ZNF18: variants seen among roughly 807,000 people sequenced by gnomAD.
ZNF18 encodes zinc finger protein 18.
ZNF18 carries 42 observed loss-of-function variants against 58.1 expected under a neutral mutation model. That is an observed-to-expected ratio of 0.72 (90% CI 0.56 to 0.93). The LOEUF (loss-of-function observed/expected upper bound fraction) is 0.93, where lower values mean the gene tolerates loss of function less well. ZNF18 is among the 40% of genes least tolerant of loss of function. The probability of loss-of-function intolerance (pLI) is 0.00; values close to 1 mark genes in which losing one functional copy is unlikely to be tolerated. For synonymous variants in ZNF18, 231 were observed against 239.8 expected (o/e 0.96, Z 0.34); for missense variants, 540 against 644.2 (o/e 0.84, Z 1.75).
chr17:12,020,946 C>T, the ZNF18 span: 1 of 1,217,642 alleles, frequency 8.2e-7, no homozygotes, highest in Non-Finnish European at 1.0e-6. Flanking sequence ...GCAGCGGCAC[C>T]CCCGGCCCCG....
chr17:11,995,243 T>C (rs1237723107), intron 1 of ZNF18, among the ~76,000 whole-genome samples: 1 of 140,366 alleles, frequency 7.1e-6, no homozygotes, highest in East Asian at 2.2e-4. Flanking sequence ...ACCCCATCTC[T>C]ACTAAAAATA....
chr17:12,000,584 T>G (rs545597330), upstream of ZNF18, among the ~76,000 whole-genome samples: 9 of 152,270 alleles, frequency 5.9e-5, no homozygotes, highest in Admixed American at 5.9e-4. Flanking sequence ...GGTGCACGCC[T>G]GTAATATACA....
chr17:11,999,462 G>C (rs1037329511), upstream of ZNF18, among the ~76,000 whole-genome samples: 1 of 152,130 alleles, frequency 6.6e-6, no homozygotes, highest in African/African-American at 2.4e-5. Flanking sequence ...GGCACCTTAG[G>C]AAAAGGCATA....
intron 4 of ZNF18, among the ~76,000 whole-genome samples, chr17:11,988,831 C>T (rs937002496): frequency 5.3e-5 from 8 of 150,692 alleles, no homozygotes; most frequent in African/African-American, 1.0e-4. Context: ...TTACCAGGCA[C>T]GGGCAACATA....
the ZNF18 span, chr17:12,020,997 G>A: frequency 8.3e-7 from 1 of 1,210,048 alleles, no homozygotes; most frequent in Non-Finnish European, 1.0e-6. Flanking sequence ...TCAGCAGCAT[G>A]CAGGGTAAGG....
At chr17:12,019,136 G>A in the ZNF18 span, among the ~76,000 whole-genome samples, 1 of 151,560 alleles carries the variant, frequency 6.6e-6, no homozygotes, top group Non-Finnish European at 1.5e-5. Flanking sequence ...GTTTTTTTCT[G>A]TATTTTTAGT....
intron 4 of ZNF18, among the ~76,000 whole-genome samples, 156 bp downstream of exon 4, chr17:11,990,306 A>AT: frequency 6.6e-6 from 1 of 152,364 alleles, no homozygotes; most frequent in South Asian, 2.1e-4. Flanking sequence ...GCATGATTCT[A>AT]TTTTTACAAA....
At chr17:11,979,223 T>C (rs562638379) in intron 6 of ZNF18, among the ~76,000 whole-genome samples, 1 of 152,304 alleles carries the variant, frequency 6.6e-6, no homozygotes, top group African/African-American at 2.4e-5. Flanking sequence ...GAGCATACAT[T>C]TCCTTTCAGT....
intron 6 of ZNF18, among the ~76,000 whole-genome samples, chr17:11,982,815 AATT>A (rs1414071068): frequency 6.6e-6 from 1 of 152,160 alleles, no homozygotes; most frequent in Non-Finnish European, 1.5e-5. Context: ...GTCTTAAATA[AATT>A]ATTTATACGA....
intron 6 of ZNF18, 106 bp from the exon 7 acceptor site, chr17:11,978,850 T>TTTC: frequency 1.3e-6 from 1 of 743,010 alleles, no homozygotes. Context: ...CTTTTTTTTT[T>TTTC]TTTTTTTTTT....
rs1473610973 is a variant in ZNF18 at position 11,978,430 on chromosome 17, TCTCTCTCTTCTCCTC to T, written c.1162_1176del (p.Glu388_Glu392del). On this transcript the variant is annotated inframe_deletion, in exon 7 of 7. Transcript: ENST00000580306. ...GCTCTTGGCTGCCCCTTCTGGGAGG[TCTCTCTCTTCTCCTC>T]AAGCCACATGGTGGACATTTCTCCT... 3 of 1,550,050 alleles carry T rather than the reference TCTCTCTCTTCTCCTC, an allele frequency of 1.9e-6. No homozygotes were observed. In the African/African-American group the frequency reaches 4.1e-5, roughly 21 times the overall value.
chr17:12,020,700 G>T, the ZNF18 span: 862 of 359,688 alleles, frequency 2.4e-3, 5 homozygotes, highest in African/African-American at 8.3e-3. Context: ...AGAGCCGGGC[G>T]GTTCTGCAGC....
intron 2 of ZNF18, 33 bp from the exon 3 acceptor site, chr17:11,991,196 A>G: frequency 1.3e-6 from 2 of 1,567,186 alleles, no homozygotes; most frequent in South Asian, 2.3e-5. Context: ...TAATTACTGA[A>G]GAATCCAGAG....
chr17:12,010,038 A>C, the ZNF18 span, among the ~76,000 whole-genome samples: 1 of 152,286 alleles, frequency 6.6e-6, no homozygotes, highest in Admixed American at 6.5e-5. Context: ...AGACCAAAAC[A>C]GGGGTGAAAG....
chr17:11,981,091 C>T (rs746999676), intron 6 of ZNF18, among the ~76,000 whole-genome samples: 7 of 151,480 alleles, frequency 4.6e-5, no homozygotes, highest in Admixed American at 2.0e-4. Flanking sequence ...TGACTTTTGC[C>T]CCTGATCTGA....
the ZNF18 span, among the ~76,000 whole-genome samples, chr17:12,013,431 T>C: frequency 6.6e-6 from 1 of 152,228 alleles, no homozygotes; most frequent in Non-Finnish European, 1.5e-5. Flanking sequence ...ATCTTATATC[T>C]TCATGGTTTC....
chr17:11,982,905 T>TAGAC (rs1967467867), intron 6 of ZNF18, among the ~76,000 whole-genome samples: 1 of 152,214 alleles, frequency 6.6e-6, no homozygotes, highest in African/African-American at 2.4e-5. Flanking sequence ...CTGTTTGTTT[T>TAGAC]ATGTCTAGAT....
At chr17:12,019,709 G>A in the ZNF18 span, among the ~76,000 whole-genome samples, 1 of 152,200 alleles carries the variant, frequency 6.6e-6, no homozygotes, top group Non-Finnish European at 1.5e-5. Context: ...TTTGGAACAA[G>A]AAGGCAGGGC....
At chr17:11,999,156 G>T (rs1218056908), upstream of ZNF18, among the ~76,000 whole-genome samples, 1 of 152,170 alleles carries the variant, frequency 6.6e-6, no homozygotes, top group East Asian at 1.9e-4. Context: ...GATTATAGGA[G>T]TTTTATCTTC....
Sources: gnomAD v4.1 joint callset for allele counts (sites outside exome capture counted in the v4.1 genomes callset) on GRCh38, gnomAD v4.1.1 for gene constraint, MANE v1.5 for transcripts, NCBI Gene and HGNC (gene_info 2026-07-23, HGNC 2026-07-21) for gene names.